Variants in ARHGEF26 observed in about 807,000 individuals in gnomAD.
The protein encoded by ARHGEF26 is Rho guanine nucleotide exchange factor 26, also known as Rho guanine nucleotide exchange factor (GEF) 26.
In ARHGEF26, 59 loss-of-function variants were observed where a neutral mutation model predicts 89.4. That is an observed-to-expected ratio of 0.66 (90% CI 0.54 to 0.82). The LOEUF is 0.82. Ranked by LOEUF, ARHGEF26 falls within the 40% of genes least tolerant of loss-of-function variation. The pLI is 0.00. For synonymous variants in ARHGEF26, 500 were observed against 428.4 expected (o/e 1.17, Z -2.06); for missense variants, 1,234 against 1,085.6 (o/e 1.14, Z -1.92).
At chr3:154,202,864 G>A (rs1389024814) in intron 9 of ARHGEF26, among the ~76,000 whole-genome samples, 2 of 151,928 alleles carry the variant, frequency 1.3e-5, no homozygotes, top group South Asian at 2.1e-4. Flanking sequence ...CTGAGACTTC[G>A]CTGAAGTTGC....
intron 9 of ARHGEF26, among the ~76,000 whole-genome samples, chr3:154,198,216 A>G (rs111769923): frequency 0.096 from 14,637 of 152,102 alleles, 1,043 homozygotes; most frequent in Non-Finnish European, 0.14. Context: ...ATAATTCAAA[A>G]ATAAAAAATA....
intron 10 of ARHGEF26, among the ~76,000 whole-genome samples, chr3:154,221,909 C>T (rs995970072): frequency 6.6e-6 from 1 of 152,100 alleles, no homozygotes; most frequent in African/African-American, 2.4e-5. Flanking sequence ...GTAATGAGTT[C>T]TATTTTGGCC....
intron 11 of ARHGEF26, among the ~76,000 whole-genome samples, chr3:154,235,014 G>A (rs1717035364): frequency 6.6e-6 from 1 of 151,698 alleles, no homozygotes; most frequent in South Asian, 2.1e-4. Context: ...CGCCCGCCTT[G>A]GCCTCCCTAC....
intron 6 of ARHGEF26, among the ~76,000 whole-genome samples, chr3:154,155,290 A>G (rs1350779897): frequency 6.6e-6 from 1 of 152,088 alleles, no homozygotes; most frequent in Non-Finnish European, 1.5e-5. Context: ...TGAGATAAGC[A>G]CTAACATTAC....
chr3:154,218,674 A>G (rs1489965209), intron 10 of ARHGEF26, among the ~76,000 whole-genome samples: 1 of 152,186 alleles, frequency 6.6e-6, no homozygotes, highest in Non-Finnish European at 1.5e-5. Context: ...AAGTGTTTCT[A>G]TTTCATGCAG....
rs540967227 is a variant in ARHGEF26 at position 154,134,392 on chromosome 3, G to A, written c.1269+4673G>A. Among the ~76,000 whole-genome samples the A allele has an allele frequency of 3.3e-5, 5 of 152,288 alleles. No individual in the cohort carries two copies. The South Asian group carries it at 1.0e-3, about 32-fold the overall frequency. On this transcript the variant is annotated intron_variant, in intron 4 of 14. Transcript: ENST00000465093. Reference sequence around the variant, plus strand: ...AATGGTGGAAGGCCAGGAGGAGCAAGTCACGCCTTATGTGGATGGCAGCAG... The same window carrying A: ...AATGGTGGAAGGCCAGGAGGAGCAAATCACGCCTTATGTGGATGGCAGCAG...
Position 154,172,730 on chromosome 3 carries a change from C to T in ARHGEF26, c.1488-14955C>T, listed in dbSNP as rs77181814. The stretch of plus-strand genomic sequence containing the variant: ...ACCAAAAACAAAAGCAAAGGAAGAG[C>T]CAGCCATATAGAACAGATACATTCA... On this transcript the variant is annotated intron_variant, in intron 6 of 14. Coordinates refer to ENST00000465093, the MANE Select transcript of ARHGEF26 (RefSeq NM_015595.4). Among the ~76,000 whole-genome samples, 1,336 of 152,114 alleles carry T rather than the reference C, an allele frequency of 8.8e-3. 17 individuals carry two copies. The highest frequency in any genetic ancestry group is 0.031 in the African/African-American group (1,273 of 41,484).
intron 9 of ARHGEF26, among the ~76,000 whole-genome samples, chr3:154,198,342 A>G (rs1714410717): frequency 6.6e-6 from 1 of 152,236 alleles, no homozygotes; most frequent in Non-Finnish European, 1.5e-5. Context: ...AACTAAAAGT[A>G]GAGCTACCAT....
At chr3:154,249,127 G>A (rs996057207) in intron 12 of ARHGEF26, among the ~76,000 whole-genome samples, 9 of 152,148 alleles carry the variant, frequency 5.9e-5, no homozygotes, top group Admixed American at 5.9e-4. Flanking sequence ...AGCAACTAAG[G>A]GCTATTTTTT....
chr3:154,204,265 T>C (rs1431365779), intron 9 of ARHGEF26, among the ~76,000 whole-genome samples: 1 of 142,404 alleles, frequency 7.0e-6, no homozygotes, highest in African/African-American at 2.4e-5. Flanking sequence ...CTTTAGTTTT[T>C]CTTTATTATT....
rs1491225224 is a variant in ARHGEF26 at position 154,256,891 on chromosome 3, T to TTAA, written c.*1421_*1423dup. The TTAA allele has an allele frequency of 1.3e-6, 2 of 1,535,014 alleles. No individual in the cohort carries two copies. The highest frequency in any genetic ancestry group is 1.7e-6 in the Non-Finnish European group (2 of 1,146,648). On this transcript the variant is annotated 3_prime_UTR_variant, in exon 15 of 15. Coordinates refer to ENST00000465093, the MANE Select transcript of ARHGEF26 (RefSeq NM_015595.4). ...AGTGCACAGAGAGAGAAAGGTTATC[T>TTAA]TAATAGTCGGTTTCATGGAGATGAA...
At chr3:154,231,755 C>A (rs1559915769) in intron 11 of ARHGEF26, among the ~76,000 whole-genome samples, 1 of 152,164 alleles carries the variant, frequency 6.6e-6, no homozygotes, top group African/African-American at 2.4e-5. Flanking sequence ...AGAACATGAG[C>A]AGTTTAGGAA....
intron 7 of ARHGEF26, among the ~76,000 whole-genome samples, chr3:154,188,602 T>G (rs1713741046): frequency 6.6e-6 from 1 of 152,152 alleles, no homozygotes; most frequent in Non-Finnish European, 1.5e-5. Context: ...AAACCCAGTT[T>G]GGGAGCTTAA....
At chr3:154,249,187 G>A (rs2108296729) in intron 12 of ARHGEF26, among the ~76,000 whole-genome samples, 1 of 152,324 alleles carries the variant, frequency 6.6e-6, no homozygotes, top group South Asian at 2.1e-4. Flanking sequence ...CTCAGCCAAT[G>A]TTCTGTTCTG....
intron 6 of ARHGEF26, among the ~76,000 whole-genome samples, chr3:154,174,159 C>T (rs1210497549): frequency 2.6e-5 from 4 of 152,154 alleles, no homozygotes; most frequent in African/African-American, 9.7e-5. Flanking sequence ...TGAGATGGGT[C>T]TGAGTAGTGG....
chr3:154,160,577 C>G (rs1711594893), intron 6 of ARHGEF26, among the ~76,000 whole-genome samples: 1 of 152,074 alleles, frequency 6.6e-6, no homozygotes, highest in African/African-American at 2.4e-5. Context: ...AGATGGTTGT[C>G]CAGTAATGCA....
Position 154,194,653 on chromosome 3 carries a change from C to T in ARHGEF26, c.1780C>T (p.Gln594Ter), listed in dbSNP as rs1159857039. Reference sequence around the variant, plus strand: ...TTTTATTTCATTACAGACTATCTGTCAAAAAACACCTAAGGACTCTCCGAA... The same window carrying T: ...TTTTATTTCATTACAGACTATCTGTTAAAAAACACCTAAGGACTCTCCGAA... ...RLPLLMDTIC[Q>*]KTPKDSPKYE... is the part of the protein sequence containing the mutation. Residue 594 changes from glutamine (Q) to a stop codon, truncating the protein, a stop_gained, in exon 9 of 15, where the codon CAA becomes TAA. Coordinates refer to ENST00000465093, the MANE Select transcript of ARHGEF26 (RefSeq NM_015595.4). LOFTEE classifies it high-confidence loss of function. The T allele has an allele frequency of 6.2e-7, 1 of 1,610,674 alleles. No individual in the cohort carries two copies. The highest frequency in any genetic ancestry group is 2.2e-5 in the East Asian group (1 of 44,816).
chr3:154,132,790 T>C (rs1718765287), intron 4 of ARHGEF26, among the ~76,000 whole-genome samples: 1 of 152,140 alleles, frequency 6.6e-6, no homozygotes, highest in Non-Finnish European at 1.5e-5. Flanking sequence ...CCTAGTATAA[T>C]GTATATATTA....
chr3:154,239,260 GGGAGA>G (rs1717313185), intron 11 of ARHGEF26, among the ~76,000 whole-genome samples: 12 of 115,816 alleles, frequency 1.0e-4, no homozygotes, highest in African/African-American at 2.4e-4. Flanking sequence ...GAGAGAGAGA[GGGAGA>G]GAGAGAGAGA....
Sources: gnomAD v4.1 joint callset for allele counts (sites outside exome capture counted in the v4.1 genomes callset) on GRCh38, gnomAD v4.1.1 for gene constraint, MANE v1.5 for transcripts, NCBI Gene and HGNC (gene_info 2026-07-23, HGNC 2026-07-21) for gene names.